The following C1orf174 variants were observed in gnomAD, a reference collection of about 807,000 sequenced individuals.
C1orf174 encodes the protein UPF0688 protein C1orf174.
C1orf174 carries 13 observed loss-of-function variants against 18.4 expected under a neutral mutation model. The ratio of observed to expected loss-of-function variants is 0.71; its 90% CI spans 0.46 to 1.12. The LOEUF (loss-of-function observed/expected upper bound fraction) is 1.12, where lower values mean the gene tolerates loss of function less well. Ranked by LOEUF, C1orf174 falls within the 50% of genes most tolerant of loss-of-function variation. The pLI, the probability that C1orf174 is intolerant of heterozygous loss-of-function variation, is 0.00. For synonymous variants in C1orf174, 100 were observed against 118.3 expected, an observed-to-expected ratio of 0.85 and a Z score of 1.01; for missense variants, 309 against 308.0, an observed-to-expected ratio of 1.00 and a Z score of -0.02.
chr1:3,893,846 A>G (rs1557739867), intron 1 of C1orf174, among the ~76,000 whole-genome samples: 1 of 152,194 alleles, frequency 6.6e-6, no homozygotes. Flanking sequence ...GTAGTGAGCT[A>G]TGACTGCACC....
chr1:3,899,347 A>C (rs977866621), intron 1 of C1orf174, among the ~76,000 whole-genome samples: 1 of 152,234 alleles, frequency 6.6e-6, no homozygotes, highest in Non-Finnish European at 1.5e-5. Flanking sequence ...GGAATTCACA[A>C]GTGGCCACTC....
chr1:3,894,812 C>T (rs903400972), intron 1 of C1orf174, among the ~76,000 whole-genome samples: 5 of 152,168 alleles, frequency 3.3e-5, no homozygotes, highest in African/African-American at 9.7e-5. Context: ...ACGCCAGTTG[C>T]CCACAGGCTG....
At chr1:3,898,799 A>G (rs184223167) in intron 1 of C1orf174, among the ~76,000 whole-genome samples, 4 of 152,156 alleles carry the variant, frequency 2.6e-5, no homozygotes, top group Admixed American at 2.6e-4. Context: ...AGTGGGTGAA[A>G]GCAAACCCCT....
At chr1:3,894,831 G>A (rs1638577260) in intron 1 of C1orf174, among the ~76,000 whole-genome samples, 1 of 152,170 alleles carries the variant, frequency 6.6e-6, no homozygotes, top group Non-Finnish European at 1.5e-5. Context: ...TGGGTGAAGT[G>A]CCTGCTACCA....
intron 3 of C1orf174, 100 bp from the exon 4 acceptor site, chr1:3,890,173 C>T: frequency 2.2e-6 from 2 of 923,486 alleles, no homozygotes; most frequent in South Asian, 1.4e-5. Context: ...TCGCAGAGCG[C>T]TCTTCCCTTT....
In C1orf174 at chr1:3,890,666, T is replaced by A. The variant is rs1025804282; in HGVS notation, c.521A>T (p.Lys174Met). ...GCTGTTGTCCATCTGAAGTGGTGGC[T>A]TCTGCACATCCTCTGTCTGTAGCCC... is the stretch of plus-strand genomic sequence containing the variant. ...EPGLQTEDVQ[K>M]PPLQMDNSVF... Residue 174 changes from lysine (K) to methionine (M), a missense_variant, in exon 3 of 4, where the codon AAG (lysine) becomes ATG (methionine). Lys to Met is a moderately conservative substitution (Grantham distance 95). Transcript: ENST00000361605. The A allele has an allele frequency of 1.4e-5, 22 of 1,614,034 alleles. No individual in the cohort carries two copies. The highest frequency in any genetic ancestry group is 1.9e-5 in the Non-Finnish European group (22 of 1,180,034).
rs770907266 is a variant in C1orf174, at chr1:3,900,209, C to A, written c.-23G>T. ...CATGAGTGTGAGCACCGCAGCCAAG[C>A]ACCGCGCGCCCCGGCCAACGCGTCC... On this transcript the variant is annotated 5_prime_UTR_variant, in exon 1 of 4. Transcript: ENST00000361605. 5 of 1,570,244 alleles carry A rather than the reference C, an allele frequency of 3.2e-6. No homozygotes were observed. The South Asian group carries it at 5.7e-5, about 18-fold the overall frequency.
Position 3,890,783 on chromosome 1 carries a change from G to A in C1orf174, c.404C>T (p.Thr135Ile). 6.2e-7 allele frequency: 1 copy of A among 1,613,934 alleles called. No homozygotes were observed. Among genetic ancestry groups the A allele is most frequent in the Middle Eastern group, 1.6e-4 (1 of 6,062 alleles). The change falls in exon 3 of 4, where the codon ACT (threonine) becomes ATT (isoleucine). Residue 135 changes from threonine (T) to isoleucine (I), a missense_variant. Thr to Ile is a moderately conservative substitution (Grantham distance 89). Coordinates refer to ENST00000361605, the MANE Select transcript of C1orf174 (RefSeq NM_207356.3). ...RVVSDSRLAK[T>I]RDGLSVPKHS... The stretch of plus-strand genomic sequence containing the variant: ...TTTTGGCACGGACAGGCCATCTCTA[G>A]TCTTTGCTAAGCGAGAGTCACTCAC...
At chr1:3,896,335 T>C (rs1227564113) in intron 1 of C1orf174, among the ~76,000 whole-genome samples, 2 of 152,188 alleles carry the variant, frequency 1.3e-5, no homozygotes, top group Non-Finnish European at 1.5e-5. Flanking sequence ...CGGAGAAGAC[T>C]GGGGCCCCAT....
chr1:3,892,971 G>A lies in C1orf174; in HGVS notation c.41C>T (p.Ala14Val), dbSNP rs1399908419. ...RKLTGAVRSS[A>V]RLKARSCSAA... Reference sequence around the variant, plus strand: ...CGAACAACTTCGTGCTTTCAAGCGCGCTGAAGACCGCACTGCACCTGTGAG... The same window carrying A: ...CGAACAACTTCGTGCTTTCAAGCGCACTGAAGACCGCACTGCACCTGTGAG... Residue 14 changes from alanine to valine, a missense_variant, in exon 2 of 4, where the codon GCG becomes GTG. Transcript: ENST00000361605. 1.2e-5 allele frequency: 20 copies of A among 1,613,932 alleles called. No individual in the cohort carries two copies. The highest frequency in any genetic ancestry group is 3.3e-5 in the Admixed American group (2 of 59,974).
chr1:3,893,088 C>T (rs1481516382), intron 1 of C1orf174, 92 bp from the exon 2 acceptor site: 3 of 1,349,978 alleles, frequency 2.2e-6, no homozygotes, highest in South Asian at 2.7e-5. Context: ...CACCCGAAGA[C>T]CGCCCCTCCC....
At chr1:3,896,403 T>C (rs913105297) in intron 1 of C1orf174, among the ~76,000 whole-genome samples, 1 of 152,200 alleles carries the variant, frequency 6.6e-6, no homozygotes, top group Non-Finnish European at 1.5e-5. Context: ...TTGGAGGATC[T>C]CAGGCTGCTG....
rs1359379874 is a variant in C1orf174 at position 3,892,879 on chromosome 1, T to TCAC, written c.129+1_129+3dup. On this transcript the variant is annotated splice_donor_region_variant and intron_variant, in intron 2 of 3. Coordinates refer to ENST00000361605, the MANE Select transcript of C1orf174 (RefSeq NM_207356.3). ...TTGGCGTTCTCCACGGTAACAGGGCTCACCAGACATGCTGTCTTGGCAGAC... is the reference window on the plus strand; with the variant it reads ...TTGGCGTTCTCCACGGTAACAGGGCTCACCACCAGACATGCTGTCTTGGCAGAC... 1 of 1,613,930 alleles carries TCAC rather than the reference T, an allele frequency of 6.2e-7. No individual in the cohort carries two copies. The highest frequency in any genetic ancestry group is 8.5e-7 in the Non-Finnish European group (1 of 1,179,970).
At chr1:3,893,115 C>T in intron 1 of C1orf174, 119 bp from the exon 2 acceptor site, 2 of 1,101,014 alleles carry the variant, frequency 1.8e-6, no homozygotes, top group Non-Finnish European at 1.3e-6. Flanking sequence ...AGGATTTTAT[C>T]ATCTTTGTGG....
At position 3,890,039 on chromosome 1, in the gene C1orf174, A is replaced by G; in HGVS notation, c.653T>C (p.Met218Thr). The G allele has an allele frequency of 1.2e-6, 2 of 1,614,170 alleles. No homozygotes were observed. Among genetic ancestry groups the G allele is most frequent in the Non-Finnish European group, 1.7e-6 (2 of 1,180,026 alleles). The change falls in exon 4 of 4, where the codon ATG becomes ACG. Residue 218 changes from methionine (M) to threonine (T), a missense_variant. Transcript: ENST00000361605. ...LPPASSSCPS[M>T]SRREFRKMHF... The stretch of plus-strand genomic sequence containing the variant: ...CATTTTTCTGAACTCTCGTCTGCTC[A>G]TTGAAGGACAAGATGAAGACGCAGG...
intron 1 of C1orf174, chr1:3,895,227 T>TA (rs1465836275): frequency 6.6e-6 from 1 of 152,332 alleles, no homozygotes; most frequent in South Asian, 2.1e-4. Context: ...ACAACTTGGG[T>TA]AAGGAGCTTA....
At chr1:3,894,639 A>C (rs7515869) in intron 1 of C1orf174, among the ~76,000 whole-genome samples, 70 of 150,560 alleles carry the variant, frequency 4.6e-4, no homozygotes, top group Non-Finnish European at 9.3e-4. Flanking sequence ...AATCTGTCTC[A>C]GCCATGCACC....
At chr1:3,894,092 C>T (rs1319117505) in intron 1 of C1orf174, among the ~76,000 whole-genome samples, 1 of 152,110 alleles carries the variant, frequency 6.6e-6, no homozygotes, top group African/African-American at 2.4e-5. Flanking sequence ...AGAATCCAGT[C>T]CACAATACCA....
At position 3,900,166 on chromosome 1, in the gene C1orf174, C is replaced by T; in HGVS notation, c.15+6G>A. On this transcript the variant is annotated splice_donor_region_variant and intron_variant, in intron 1 of 3. Transcript: ENST00000361605. The stretch of plus-strand genomic sequence containing the variant: ...GGCGCAGCTGCTGCCGGGACCCAGC[C>T]CTCACCTTCCGGCTCCTCATGAGTG... 1 of 1,586,540 alleles carries T rather than the reference C, an allele frequency of 6.3e-7. No individual in the cohort carries two copies. The highest frequency in any genetic ancestry group is 1.7e-5 in the Admixed American group (1 of 58,404).
Sources: gnomAD v4.1 joint callset for allele counts (sites outside exome capture counted in the v4.1 genomes callset) on GRCh38, gnomAD v4.1.1 for gene constraint, MANE v1.5 for transcripts, NCBI Gene and HGNC (gene_info 2026-07-23, HGNC 2026-07-21) for gene names.